BTBD7: variants seen among roughly 807,000 people sequenced by gnomAD.
BTBD7 encodes the protein BTB domain containing 7, also known as BTB/POZ domain-containing protein 7.
BTBD7 carries 38 observed loss-of-function variants against 99.9 expected under a neutral mutation model. That is an observed-to-expected ratio of 0.38 (90% CI 0.29 to 0.50). The LOEUF (loss-of-function observed/expected upper bound fraction) is 0.50. BTBD7 is among the 20% of genes least tolerant of loss of function. The pLI is 0.93. For synonymous variants in BTBD7, 520 were observed against 511.4 expected, an observed-to-expected ratio of 1.02 and a Z score of -0.23; for missense variants, 1,170 against 1,394.6, an observed-to-expected ratio of 0.84 and a Z score of 2.57.
intron 1 of BTBD7, among the ~76,000 whole-genome samples, chr14:93,297,144 T>C (rs1272945982): frequency 3.9e-5 from 6 of 152,186 alleles, no homozygotes; most frequent in Non-Finnish European, 8.8e-5. Context: ...TTTTAACAAA[T>C]ATAGTGAAAA....
intron 1 of BTBD7, among the ~76,000 whole-genome samples, chr14:93,321,684 G>C (rs1175129882): frequency 6.6e-6 from 1 of 152,172 alleles, no homozygotes; most frequent in Admixed American, 6.5e-5. Context: ...TAAATCAGTG[G>C]CGATAAAGAC....
At chr14:93,326,535 C>A (rs2053334321) in intron 1 of BTBD7, among the ~76,000 whole-genome samples, 1 of 152,170 alleles carries the variant, frequency 6.6e-6, no homozygotes, top group Admixed American at 6.5e-5. Context: ...GACATGGTAG[C>A]TCACGCCTAT....
chr14:93,280,553 A>C (rs570962973), intron 3 of BTBD7, among the ~76,000 whole-genome samples: 43 of 152,288 alleles, frequency 2.8e-4, no homozygotes, highest in African/African-American at 9.9e-4. Context: ...ATTTATCAGA[A>C]GTTTTATAAA....
intron 1 of BTBD7, among the ~76,000 whole-genome samples, chr14:93,311,226 T>C (rs1426026988): frequency 2.6e-5 from 4 of 152,190 alleles, no homozygotes; most frequent in South Asian, 2.1e-4. Flanking sequence ...CTTTGGACAG[T>C]AGAGCCTTAT....
At chr14:93,314,528 A>T (rs1186065531) in intron 1 of BTBD7, among the ~76,000 whole-genome samples, 1 of 152,144 alleles carries the variant, frequency 6.6e-6, no homozygotes, top group Admixed American at 6.5e-5. Flanking sequence ...CCTACATAGA[A>T]CTGTGTTGTA....
chr14:93,304,989 T>C (rs1308234548), intron 1 of BTBD7, among the ~76,000 whole-genome samples: 3 of 152,224 alleles, frequency 2.0e-5, no homozygotes, highest in Non-Finnish European at 2.9e-5. Flanking sequence ...GCAGTCTTCA[T>C]GAAGACAGTT....
chr14:93,323,824 T>G (rs1003024219), intron 1 of BTBD7, among the ~76,000 whole-genome samples: 1 of 152,208 alleles, frequency 6.6e-6, no homozygotes, highest in Non-Finnish European at 1.5e-5. Context: ...GGCTTACAAT[T>G]AGCAGAACAG....
At chr14:93,251,316 A>G in intron 8 of BTBD7, 147 bp downstream of exon 8, 1 of 888,078 alleles carries the variant, frequency 1.1e-6, no homozygotes, top group Non-Finnish European at 1.6e-6. Context: ...TTTTGGCTTA[A>G]AAGTGTTTAT....
At chr14:93,267,105 C>G (rs1361240040) in intron 3 of BTBD7, among the ~76,000 whole-genome samples, 1 of 152,056 alleles carries the variant, frequency 6.6e-6, no homozygotes, top group Non-Finnish European at 1.5e-5. Flanking sequence ...GGGAGTGAAG[C>G]AGGGGAAATG....
intron 2 of BTBD7, among the ~76,000 whole-genome samples, 176 bp from the exon 3 acceptor site, chr14:93,295,113 C>T (rs1361226700): frequency 6.6e-6 from 1 of 151,898 alleles, no homozygotes; most frequent in African/African-American, 2.4e-5. Flanking sequence ...GTTTTCAATT[C>T]AATTTAATTT....
intron 3 of BTBD7, among the ~76,000 whole-genome samples, chr14:93,274,975 T>C (rs1042406463): frequency 1.3e-5 from 2 of 152,194 alleles, no homozygotes; most frequent in Non-Finnish European, 2.9e-5. Flanking sequence ...AATACAGCTC[T>C]TGATTTCAAG....
At position 93,294,591 on chromosome 14, in the gene BTBD7, A is replaced by T; in HGVS notation, c.429T>A (p.Asp143Glu). 6.2e-7 allele frequency: 1 copy of T among 1,614,084 alleles called. No individual in the cohort carries two copies. The highest frequency in any genetic ancestry group is 8.5e-7 in the Non-Finnish European group (1 of 1,180,042). Residue 143 changes from aspartate (D) to glutamate (E), a missense_variant, in exon 3 of 11, where the codon GAT (aspartate) becomes GAA (glutamate). Asp to Glu is a conservative substitution (Grantham distance 45). Around this residue, in one of 4 missense-constraint regions of BTBD7, gnomAD observed 359 missense variants for 497.9 expected, o/e 0.72. Transcript: ENST00000334746. ...ADLYEYKYCT[D>E]VDLIFQETCF... ...AAGTTTCTTGAAATATTAAGTCTACATCAGTACAATACTTGTACTCATAAA... is the reference window on the plus strand; with the variant it reads ...AAGTTTCTTGAAATATTAAGTCTACTTCAGTACAATACTTGTACTCATAAA...
chr14:93,310,448 C>T lies in BTBD7; in HGVS notation c.-106-14291G>A, dbSNP rs1289070442. Among the ~76,000 whole-genome samples the T allele has an allele frequency of 3.3e-5, 5 of 152,092 alleles. No individual in the cohort carries two copies. In the East Asian group the frequency reaches 9.6e-4, roughly 29 times the overall value. On this transcript the variant is annotated intron_variant, in intron 1 of 10. Coordinates refer to ENST00000334746, the MANE Select transcript of BTBD7 (RefSeq NM_001002860.4). ...TTTTTTGTTGAAGAAATCAGGTTAC[C>T]TGGTTGTTTCCTATAGTTTGGATTT...
At position 93,314,629 on chromosome 14, in the gene BTBD7, A is replaced by G. The variant is rs529253749; in HGVS notation, c.-107+18191T>C. Among the ~76,000 whole-genome samples, 246 of 152,270 alleles carry G rather than the reference A, an allele frequency of 1.6e-3. 1 individual carries two copies. The highest frequency in any genetic ancestry group is 4.7e-3 in the African/African-American group (195 of 41,572). On this transcript the variant is annotated intron_variant, in intron 1 of 10. Transcript: ENST00000334746. ...AAATAGCACTGCAAGTCTTTTACAC[A>G]TATCTTTGCCCACTCTGCCCAGTCT...
chr14:93,313,356 T>C (rs1341834866), intron 1 of BTBD7, among the ~76,000 whole-genome samples: 2 of 152,234 alleles, frequency 1.3e-5, no homozygotes, highest in Admixed American at 6.5e-5. Flanking sequence ...TAAAATTCCA[T>C]TGCATTACTG....
chr14:93,272,364 G>C (rs2052610118), intron 3 of BTBD7, among the ~76,000 whole-genome samples: 1 of 152,186 alleles, frequency 6.6e-6, no homozygotes, highest in Admixed American at 6.5e-5. Context: ...GATTACACTG[G>C]AAATTGGGGA....
chr14:93,244,918 T>C (rs796811240), intron 10 of BTBD7, among the ~76,000 whole-genome samples: 2 of 149,930 alleles, frequency 1.3e-5, no homozygotes, highest in African/African-American at 5.0e-5. Flanking sequence ...GGGCAGTGGT[T>C]TGATCACAGC....
Position 93,322,953 on chromosome 14 carries a change from A to AT in BTBD7, c.-107+9866_-107+9867insA, listed in dbSNP as rs1374196904. Among the ~76,000 whole-genome samples the AT allele has an allele frequency of 3.9e-5, 6 of 152,054 alleles. No individual in the cohort carries two copies. The South Asian group carries it at 1.2e-3, about 32-fold the overall frequency. ...AACAACACAGCAGGACCCCATCTCTACAAAAAAAAATGTTTACAAATTAGC... is the reference window on the plus strand; with the variant it reads ...AACAACACAGCAGGACCCCATCTCTATCAAAAAAAAATGTTTACAAATTAGC... On this transcript the variant is annotated intron_variant, in intron 1 of 10. Coordinates refer to ENST00000334746, the MANE Select transcript of BTBD7 (RefSeq NM_001002860.4).
chr14:93,252,088 TC>T (rs761608743), intron 7 of BTBD7, among the ~76,000 whole-genome samples: 9 of 152,094 alleles, frequency 5.9e-5, no homozygotes, highest in Non-Finnish European at 1.3e-4. Flanking sequence ...GGTGGGTAGA[TC>T]ACCTGAGGTC....
Sources: gnomAD v4.1 joint callset for allele counts (sites outside exome capture counted in the v4.1 genomes callset) on GRCh38, gnomAD v4.1.1 for gene constraint, gnomAD v4.1.1 regional missense constraint, MANE v1.5 for transcripts, NCBI Gene and HGNC (gene_info 2026-07-23, HGNC 2026-07-21) for gene names.